The following NLRP9 variants were observed in gnomAD, a reference collection of about 807,000 sequenced individuals.
NLRP9 encodes NLR family pyrin domain containing 9.
A neutral mutation model predicts 83.1 loss-of-function variants in NLRP9; 88 were observed. The observed-to-expected ratio is 1.06, with a 90% CI of 0.89 to 1.26. NLRP9 has a LOEUF of 1.26. NLRP9 is among the 50% of genes most tolerant of loss of function. The pLI, the probability that NLRP9 is intolerant of heterozygous loss-of-function variation, is 0.00. For missense variants in NLRP9, 1,308 were observed against 1,179.3 expected (o/e 1.11, Z -1.60); for synonymous variants, 521 against 447.6 (o/e 1.16, Z -2.07).
chr19:55,718,612 T>C (rs1028638137), intron 4 of NLRP9, among the ~76,000 whole-genome samples: 3 of 152,222 alleles, frequency 2.0e-5, no homozygotes, highest in Non-Finnish European at 4.4e-5. Context: ...TTATTCATGA[T>C]ACAGATTCCT....
At chr19:55,737,262 A>G (rs1003475637) in intron 1 of NLRP9, 8 of 152,240 alleles carry the variant, frequency 5.3e-5, no homozygotes, top group Non-Finnish European at 7.3e-5. Flanking sequence ...ATGAAAAGAC[A>G]TTATGCAGAA....
chr19:55,737,734 T>TAAAAAAAAAAAAAAAAAA (rs57736610), intron 1 of NLRP9: 9 of 80,292 alleles, frequency 1.1e-4, no homozygotes, highest in African/African-American at 1.5e-4. Context: ...ACCCTTTCTC[T>TAAAAAAAAAAAAAAAAAA]AAAAAAAAAA....
rs1429558787 is a variant in NLRP9, at chr19:55,732,507, C to T, written c.1324G>A (p.Ala442Thr). Reference protein sequence around the residue: ...RLLQRRGDCFAFMHLCIQEFC... With the variant: ...RLLQRRGDCFTFMHLCIQEFC... Reference sequence around the variant, plus strand: ...TCTTGGATACACAGATGCATGAAGGCAAAACAGTCCCCTCTCCTTTGGAGG... The same window carrying T: ...TCTTGGATACACAGATGCATGAAGGTAAAACAGTCCCCTCTCCTTTGGAGG... Residue 442 changes from alanine to threonine, a missense_variant, in exon 2 of 9, where the codon GCC becomes ACC. Transcript: ENST00000332836. 6.2e-7 allele frequency: 1 copy of T among 1,614,098 alleles called. No homozygotes were observed. The highest frequency in any genetic ancestry group is 1.3e-5 in the African/African-American group (1 of 74,928).
chr19:55,721,484 T>A (rs1988224381), intron 4 of NLRP9, among the ~76,000 whole-genome samples: 1 of 152,136 alleles, frequency 6.6e-6, no homozygotes, highest in African/African-American at 2.4e-5. Flanking sequence ...AATACCCCAT[T>A]CTGTTTTAGC....
At chr19:55,719,658 G>C (rs766245583) in intron 4 of NLRP9, among the ~76,000 whole-genome samples, 1 of 152,098 alleles carries the variant, frequency 6.6e-6, no homozygotes, top group South Asian at 2.1e-4. Flanking sequence ...CAAGCCTCTC[G>C]ATTGAAACTA....
At chr19:55,731,567 T>C (rs113482431) in intron 2 of NLRP9, among the ~76,000 whole-genome samples, 3,279 of 147,500 alleles carry the variant, frequency 0.022, 46 homozygotes, top group Non-Finnish European at 0.033. Context: ...CTACCAAAAA[T>C]ACAAAAATTA....
chr19:55,715,041 A>G lies in NLRP9; in HGVS notation c.2501+14T>C. 6.3e-7 allele frequency: 1 copy of G among 1,590,648 alleles called. No individual in the cohort carries two copies. The highest frequency in any genetic ancestry group is 8.5e-7 in the Non-Finnish European group (1 of 1,169,980). On this transcript the variant is annotated intron_variant, in intron 6 of 8. Coordinates refer to ENST00000332836, the MANE Select transcript of NLRP9 (RefSeq NM_176820.4). ...AGAAACCCTGACATTGAAGCAAATC[A>G]TGGCCGGTCCTACCACAGCTCCCGT... is the stretch of plus-strand genomic sequence containing the variant.
At chr19:55,727,914 G>A (rs1201334227) in intron 3 of NLRP9, among the ~76,000 whole-genome samples, 2 of 152,076 alleles carry the variant, frequency 1.3e-5, no homozygotes, top group Non-Finnish European at 2.9e-5. Flanking sequence ...ATTTATTTCA[G>A]CAAAAGCACA....
chr19:55,710,780 T>C (rs1987679431), intron 8 of NLRP9, among the ~76,000 whole-genome samples: 1 of 152,174 alleles, frequency 6.6e-6, no homozygotes, highest in African/African-American at 2.4e-5. Flanking sequence ...ATTAAACCTC[T>C]TTCCTTTATA....
At position 55,712,540 on chromosome 19, in the gene NLRP9, A is replaced by C; in HGVS notation, c.2552T>G (p.Val851Gly). ...TSDSCKDIAA[V>G]LICNGKLKTL... ...CTTCAGTTTCCCATTGCAAATAAGA[A>C]CAGCAGCAATGTCCTTACAGGAATC... is the stretch of plus-strand genomic sequence containing the variant. The change falls in exon 7 of 9, where the codon GTT becomes GGT. Residue 851 changes from valine (V) to glycine (G), a missense_variant. Physicochemically the swap from Val to Gly is moderately radical, Grantham distance 109. Transcript: ENST00000332836. 6.8e-6 allele frequency: 11 copies of C among 1,612,706 alleles called. No individual in the cohort carries two copies. Among genetic ancestry groups the C allele is most frequent in the Non-Finnish European group, 9.3e-6 (11 of 1,179,856 alleles).
chr19:55,714,947 G>C, intron 6 of NLRP9, 108 bp downstream of exon 6: 1 of 1,056,524 alleles, frequency 9.5e-7, no homozygotes, highest in Non-Finnish European at 1.4e-6. Context: ...AATTTTGGGA[G>C]GACATATACA....
At chr19:55,718,242 C>CT (rs1312680600) in intron 4 of NLRP9, among the ~76,000 whole-genome samples, 6 of 152,190 alleles carry the variant, frequency 3.9e-5, no homozygotes, top group Non-Finnish European at 8.8e-5. Context: ...AAGGTTTCCC[C>CT]CACTGAGACA....
At position 55,732,680 on chromosome 19, in the gene NLRP9, G is replaced by A. The variant is rs746387279; in HGVS notation, c.1151C>T (p.Pro384Leu). ...TAGTCGGGCTCTGTTCACCTTAGGT[G>A]GAAAACTCTGACTTCCTGCTTTGAA... ...TVFKAGSQSF[P>L]PKVNRARLKS... The change falls in exon 2 of 9, where the codon CCA becomes CTA. Residue 384 changes from proline (P) to leucine (L), a missense_variant. Transcript: ENST00000332836. The A allele has an allele frequency of 1.1e-5, 18 of 1,614,032 alleles. No individual in the cohort carries two copies. The highest frequency in any genetic ancestry group is 5.3e-5 in the African/African-American group (4 of 74,924).
intron 3 of NLRP9, among the ~76,000 whole-genome samples, chr19:55,729,432 G>A (rs1346556856): frequency 6.6e-6 from 1 of 151,846 alleles, no homozygotes; most frequent in Non-Finnish European, 1.5e-5. Context: ...TCCCCTTCCT[G>A]TGCCCATGTG....
At position 55,709,014 on chromosome 19, in the gene NLRP9, A is replaced by C; in HGVS notation, c.2874T>G (p.Thr958=). ...GLHKSGFDEE[T]QKILMSVEEK... is the part of the protein sequence containing the mutation. ...CTTCCACAGACATCAGGATCTTCTG[A>C]GTTTCTTCATCAAAGCCAGATTTGT... Residue 958 remains threonine, a synonymous_variant, in exon 9 of 9, where the codon ACT becomes ACG. Transcript: ENST00000332836. The C allele has an allele frequency of 1.3e-6, 2 of 1,582,616 alleles. No individual in the cohort carries two copies. Among genetic ancestry groups the C allele is most frequent in the African/African-American group, 2.7e-5 (2 of 72,922 alleles).
chr19:55,718,024 A>G (rs1234461349), intron 4 of NLRP9, among the ~76,000 whole-genome samples: 1 of 152,212 alleles, frequency 6.6e-6, no homozygotes, highest in Non-Finnish European at 1.5e-5. Context: ...GATGCTGATA[A>G]TCCATAACTT....
chr19:55,727,354 G>A (rs1473568183), intron 3 of NLRP9, among the ~76,000 whole-genome samples: 2 of 152,172 alleles, frequency 1.3e-5, no homozygotes, highest in African/African-American at 2.4e-5. Context: ...GGAAGGACAC[G>A]TGCATCTTAA....
chr19:55,709,753 A>C (rs189686580), intron 8 of NLRP9: 1 of 151,902 alleles, frequency 6.6e-6, no homozygotes, highest in Non-Finnish European at 1.5e-5. Flanking sequence ...CCTGGCTTCT[A>C]CTCCCTCAAC....
intron 4 of NLRP9, among the ~76,000 whole-genome samples, chr19:55,721,214 T>C (rs1053781721): frequency 3.3e-5 from 5 of 152,228 alleles, no homozygotes; most frequent in Non-Finnish European, 7.3e-5. Context: ...TTACCTTTGG[T>C]GGAAGTTGGG....
Sources: allele counts gnomAD v4.1 joint callset (sites outside exome capture counted in the v4.1 genomes callset), GRCh38; gene constraint gnomAD v4.1.1; transcripts MANE v1.5; gene names NCBI Gene and HGNC (gene_info 2026-07-23, HGNC 2026-07-21).